The following CFAP263 variants were observed in gnomAD, a reference collection of about 807,000 sequenced individuals.
CFAP263 encodes the protein cilia and flagella associated protein 263.
the CFAP263 span, chr16:58,258,301 T>A: frequency 2.0e-6 from 3 of 1,479,264 alleles, no homozygotes; most frequent in South Asian, 3.8e-5. Flanking sequence ...GAACTTAGGT[T>A]TTCTTAGAAG....
chr16:58,277,694 AAAAT>A, the CFAP263 span, among the ~76,000 whole-genome samples: 1 of 152,232 alleles, frequency 6.6e-6, no homozygotes, highest in East Asian at 1.9e-4. Context: ...ATGGATAAAC[AAAAT>A]AAATAAAATG....
the CFAP263 span, among the ~76,000 whole-genome samples, chr16:58,263,258 C>A: frequency 6.6e-6 from 1 of 152,162 alleles, no homozygotes; most frequent in Non-Finnish European, 1.5e-5. Context: ...ACCTTTATAA[C>A]CAATTTGATT....
At chr16:58,254,167 T>C in the CFAP263 span, 14 of 1,614,078 alleles carry the variant, frequency 8.7e-6, no homozygotes, top group South Asian at 7.7e-5. Flanking sequence ...GAGGTACACC[T>C]TCCTGCCAGC....
the CFAP263 span, among the ~76,000 whole-genome samples, chr16:58,269,858 C>T: frequency 2.0e-5 from 3 of 152,122 alleles, no homozygotes; most frequent in African/African-American, 7.2e-5. Context: ...TGGACATACA[C>T]CTAAAAGTGG....
At chr16:58,262,257 A>G in the CFAP263 span, 2 of 824,246 alleles carry the variant, frequency 2.4e-6, no homozygotes, top group Non-Finnish European at 3.9e-6. Flanking sequence ...CAGATGCCCA[A>G]TATGTGTTTG....
the CFAP263 span, chr16:58,283,048 A>G: frequency 1.3e-5 from 2 of 152,222 alleles, no homozygotes; most frequent in Non-Finnish European, 2.9e-5. Flanking sequence ...TCATCTCCCA[A>G]GGGAGCGGCC....
the CFAP263 span, among the ~76,000 whole-genome samples, chr16:58,263,434 A>T: frequency 6.6e-6 from 1 of 152,192 alleles, no homozygotes; most frequent in African/African-American, 2.4e-5. Context: ...TGTTAATATA[A>T]GTACACAATA....
At chr16:58,250,170 G>A in the CFAP263 span, 5 of 1,121,950 alleles carry the variant, frequency 4.5e-6, no homozygotes, top group South Asian at 5.7e-5. Context: ...CCTCCTCTCC[G>A]GGCGGCCTCG....
the CFAP263 span, among the ~76,000 whole-genome samples, chr16:58,274,233 G>C: frequency 6.6e-6 from 1 of 152,198 alleles, no homozygotes; most frequent in African/African-American, 2.4e-5. Context: ...CTCTTTTGCT[G>C]TTCTGTTAAA....
chr16:58,280,441 C>T, the CFAP263 span: 10 of 1,614,138 alleles, frequency 6.2e-6, no homozygotes, highest in East Asian at 6.7e-5. Flanking sequence ...GTTTCCTAGT[C>T]GTGAATGCGT....
At chr16:58,255,225 A>G in the CFAP263 span, among the ~76,000 whole-genome samples, 18 of 152,234 alleles carry the variant, frequency 1.2e-4, no homozygotes, top group African/African-American at 4.1e-4. Flanking sequence ...CTAAAGGCAA[A>G]GAACCTGGAG....
the CFAP263 span, among the ~76,000 whole-genome samples, chr16:58,277,559 G>T: frequency 6.6e-6 from 1 of 152,172 alleles, no homozygotes; most frequent in African/African-American, 2.4e-5. Context: ...GGCATTCTGC[G>T]TCTGGGAATA....
chr16:58,280,308 A>G, the CFAP263 span: 1 of 1,613,956 alleles, frequency 6.2e-7, no homozygotes, highest in African/African-American at 1.3e-5. Context: ...GACCTGCAAA[A>G]ATCCTACCTT....
the CFAP263 span, chr16:58,281,572 G>A: frequency 6.6e-6 from 1 of 152,242 alleles, no homozygotes; most frequent in Non-Finnish European, 1.5e-5. Context: ...CCTCTCAAAG[G>A]AATTCCTGCC....
the CFAP263 span, among the ~76,000 whole-genome samples, chr16:58,269,265 A>T: frequency 2.6e-5 from 4 of 152,168 alleles, no homozygotes; most frequent in African/African-American, 9.7e-5. Context: ...TAGGAGGTGG[A>T]GGTTGCAGTG....
the CFAP263 span, among the ~76,000 whole-genome samples, chr16:58,270,148 A>C: frequency 6.6e-6 from 1 of 152,180 alleles, no homozygotes; most frequent in Non-Finnish European, 1.5e-5. Context: ...TGTCTAGTCA[A>C]GTCCTTTGCT....
chr16:58,262,028 G>A, the CFAP263 span, among the ~76,000 whole-genome samples: 909 of 152,218 alleles, frequency 6.0e-3, 15 homozygotes, highest in African/African-American at 0.021. Context: ...CCCTCTGTGC[G>A]TGACTCGGTC....
the CFAP263 span, chr16:58,259,935 G>A: frequency 1.3e-6 from 2 of 1,591,230 alleles, no homozygotes; most frequent in South Asian, 1.1e-5. Context: ...ATTGAGGCAG[G>A]TATGTGGTCC....
chr16:58,254,303 A>G, the CFAP263 span: 116 of 823,376 alleles, frequency 1.4e-4, no homozygotes, highest in Admixed American at 7.5e-4. Flanking sequence ...CCTATCTTCA[A>G]GGAACTTACC....
Sources: gnomAD v4.1 joint callset for allele counts (sites outside exome capture counted in the v4.1 genomes callset) on GRCh38, gnomAD v4.1.1 for gene constraint, MANE v1.5 for transcripts, NCBI Gene and HGNC (gene_info 2026-07-23, HGNC 2026-07-21) for gene names.